Variants in GAK observed in about 807,000 individuals in gnomAD.
GAK encodes cyclin G associated kinase.
In GAK, 79 loss-of-function variants were observed where a neutral mutation model predicts 143.9. The ratio of observed to expected loss-of-function variants is 0.55; its 90% CI spans 0.46 to 0.66. GAK has a LOEUF of 0.66. GAK is among the 30% of genes least tolerant of loss of function. The pLI is 0.00. For synonymous variants in GAK, 881 were observed against 765.5 expected, an observed-to-expected ratio of 1.15 and a Z score of -2.49; for missense variants, 1,693 against 1,779.7, an observed-to-expected ratio of 0.95 and a Z score of 0.88.
intron 11 of GAK, chr4:888,633 C>A (rs1000354953): frequency 3.4e-6 from 2 of 587,364 alleles, no homozygotes; most frequent in Non-Finnish European, 5.8e-6. Flanking sequence ...GGCCTTGCCC[C>A]CCAGGCGATG....
chr4:860,480 G>A (rs1210152474), intron 23 of GAK, among the ~76,000 whole-genome samples: 4 of 152,090 alleles, frequency 2.6e-5, no homozygotes, highest in Non-Finnish European at 4.4e-5. Flanking sequence ...CAAAAAATAA[G>A]CAAAGAACAT....
Position 849,456 on chromosome 4 carries a change from G to T in GAK, c.*217C>A. ...ACAATTGCGGGAGGAGCATGAATCA[G>T]CTGTTCCTTCGGGAGGAGAAAAAGG... On this transcript the variant is annotated 3_prime_UTR_variant, in exon 28 of 28. Transcript: ENST00000314167. 1 of 572,288 alleles carries T rather than the reference G, an allele frequency of 1.7e-6. No individual in the cohort carries two copies. The allele number at this position is 572,288 out of a possible 1,614,324, so 35.5% of individuals were successfully genotyped here. A position where few individuals can be genotyped will look rare whatever the true frequency, so the allele number is the denominator to read the frequency against.
At position 893,452 on chromosome 4, in the gene GAK, G is replaced by A. The variant is rs1577201263; in HGVS notation, c.915C>T (p.Ser305=). 1.3e-6 allele frequency: 2 copies of A among 1,591,470 alleles called. No individual in the cohort carries two copies. The highest frequency in any genetic ancestry group is 4.6e-5 in the East Asian group (2 of 43,858). The change falls in exon 9 of 28, where the codon TCC becomes TCT. Residue 305 remains serine, a synonymous_variant. Coordinates refer to ENST00000314167, the MANE Select transcript of GAK (RefSeq NM_005255.4). ...MLQVNPEERL[S]IAEVVHQLQE... ...GCAGCTGGTGCACCACCTCGGCGAT[G>A]GACAGCCGCTCCTCCGGGTTCACCT...
Position 913,683 on chromosome 4 carries a change from GA to G in GAK, c.146-16del. ...TGCAAACCCTCCTGAAAATTAAAAA[GA>G]CTTGTCAGTTCAATGCTATGATTTT... On this transcript the variant is annotated splice_polypyrimidine_tract_variant and intron_variant, in intron 1 of 27. Coordinates refer to ENST00000314167, the MANE Select transcript of GAK (RefSeq NM_005255.4). 6.2e-7 allele frequency: 1 copy of G among 1,602,982 alleles called. No individual in the cohort carries two copies. Among genetic ancestry groups the G allele is most frequent in the South Asian group, 1.1e-5 (1 of 90,878 alleles).
intron 1 of GAK, among the ~76,000 whole-genome samples, chr4:918,882 G>C (rs1002915266): frequency 7.5e-6 from 1 of 133,344 alleles, no homozygotes. Context: ...AGGCTCCAAA[G>C]GCCTCAGCGC....
In GAK at chr4:849,490, A is replaced by G. The variant is rs957580871; in HGVS notation, c.*183T>C. 8 of 587,550 alleles carry G rather than the reference A, an allele frequency of 1.4e-5. No individual in the cohort carries two copies. In the East Asian group the frequency reaches 2.0e-4, roughly 14 times the overall value. 36.4% of individuals were successfully genotyped at this position (587,550 alleles called of 1,614,324 possible). ...TCGGGAGGAGAAAAAGGAAACAACAATCAGAGGCTTTGGAATGCTTTCTCT... is the reference window on the plus strand; with the variant it reads ...TCGGGAGGAGAAAAAGGAAACAACAGTCAGAGGCTTTGGAATGCTTTCTCT... On this transcript the variant is annotated 3_prime_UTR_variant, in exon 28 of 28. Coordinates refer to ENST00000314167, the MANE Select transcript of GAK (RefSeq NM_005255.4).
At chr4:865,784 C>G (rs1215004881) in intron 22 of GAK, among the ~76,000 whole-genome samples, 2 of 152,260 alleles carry the variant, frequency 1.3e-5, no homozygotes, top group Admixed American at 6.5e-5. Context: ...GTGGACCACG[C>G]TGCTGCCTCC....
intron 11 of GAK, among the ~76,000 whole-genome samples, chr4:885,083 G>A (rs6837500): frequency 0.044 from 6,616 of 151,748 alleles, 165 homozygotes; most frequent in East Asian, 0.093. Flanking sequence ...CTCAGGATGC[G>A]GGTCTTCCGT....
At chr4:904,414 G>A (rs1266267528) in intron 5 of GAK, among the ~76,000 whole-genome samples, 1 of 151,062 alleles carries the variant, frequency 6.6e-6, no homozygotes, top group East Asian at 2.0e-4. Context: ...GGTCCCTGTG[G>A]ATGATGGGCG....
At chr4:894,383 T>G in intron 7 of GAK, 1 of 179,008 alleles carries the variant, frequency 5.6e-6, no homozygotes, top group Middle Eastern at 2.3e-3. Context: ...AGCGCAGGGG[T>G]GACTCCTGGG....
chr4:931,915 G>A (rs889849278), intron 1 of GAK, 128 bp downstream of exon 1: 8 of 718,424 alleles, frequency 1.1e-5, no homozygotes, highest in African/African-American at 1.8e-5. Context: ...GGCCGACCCT[G>A]ACCCACGATC....
intron 5 of GAK, among the ~76,000 whole-genome samples, 183 bp from the exon 6 acceptor site, chr4:898,341 C>T (rs1296680293): frequency 2.0e-5 from 3 of 152,146 alleles, no homozygotes; most frequent in South Asian, 2.1e-4. Flanking sequence ...ACCAGCAGCT[C>T]GGGGTGCAGG....
intron 17 of GAK, among the ~76,000 whole-genome samples, chr4:876,841 C>T (rs1714009268): frequency 6.6e-6 from 1 of 152,240 alleles, no homozygotes; most frequent in South Asian, 2.1e-4. Flanking sequence ...GCCGTGGGGG[C>T]TGCCCCAAGT....
intron 15 of GAK, among the ~76,000 whole-genome samples, chr4:881,168 C>T (rs1041140653): frequency 6.6e-6 from 1 of 152,196 alleles, no homozygotes; most frequent in Non-Finnish European, 1.5e-5. Context: ...TGGGGAGTCC[C>T]CTGACGCTTG....
Position 902,596 on chromosome 4 carries a change from C to G in GAK, c.525+2041G>C, listed in dbSNP as rs867910217. 4.9e-5 allele frequency among the ~76,000 whole-genome samples: 3 copies of G among 60,730 alleles called. No individual in the cohort carries two copies. The East Asian group carries it at 1.6e-3, about 32-fold the overall frequency. The allele number at this position is 60,730 out of a possible 152,430, so 39.8% of individuals were successfully genotyped here. ...AGCCTGGGCTGTAGAGTGACTGACT[C>G]AAAAAAAAAAAAAAAAAACCCCAAA... is the stretch of plus-strand genomic sequence containing the variant. On this transcript the variant is annotated intron_variant, in intron 5 of 27. Coordinates refer to ENST00000314167, the MANE Select transcript of GAK (RefSeq NM_005255.4).
intron 1 of GAK, among the ~76,000 whole-genome samples, chr4:925,624 T>C (rs1173457336): frequency 1.3e-5 from 2 of 152,196 alleles, no homozygotes; most frequent in Non-Finnish European, 2.9e-5. Flanking sequence ...GTGATGGTGT[T>C]AGGAGGTGGG....
intron 26 of GAK, chr4:850,364 A>C: frequency 3.0e-6 from 1 of 337,068 alleles, no homozygotes; most frequent in Non-Finnish European, 5.4e-6. Flanking sequence ...CCCTTGGCCC[A>C]TCCCAGGCCC....
In GAK at chr4:882,787, G is replaced by A. The variant is rs774094723; in HGVS notation, c.1437C>T (p.Ala479=). ...TGTTGTACAGGGTGTGCAGGTGTGG[G>A]GCCCGCCGTGCTGCCCAGCCACACT... ...VSECGWAARR[A]PHLHTLYNIC... is the part of the protein sequence containing the mutation. The change falls in exon 14 of 28, where the codon GCC becomes GCT. Residue 479 remains alanine (A), a synonymous_variant. Transcript: ENST00000314167. 2.5e-6 allele frequency: 4 copies of A among 1,610,624 alleles called. No homozygotes were observed. In the South Asian group the frequency reaches 4.4e-5, roughly 18 times the overall value.
intron 1 of GAK, among the ~76,000 whole-genome samples, chr4:925,182 T>C (rs1577332171): frequency 6.6e-6 from 1 of 152,194 alleles, no homozygotes; most frequent in Non-Finnish European, 1.5e-5. Context: ...AATCAAAGCT[T>C]GACACTTTTT....
Sources: allele counts gnomAD v4.1 joint callset (sites outside exome capture counted in the v4.1 genomes callset), GRCh38; gene constraint gnomAD v4.1.1; transcripts MANE v1.5; gene names NCBI Gene and HGNC (gene_info 2026-07-23, HGNC 2026-07-21).